Variants in SHOC1 observed in about 807,000 individuals in gnomAD.
The protein encoded by SHOC1 is protein shortage in chiasmata 1 ortholog.
A neutral mutation model predicts 179.2 loss-of-function variants in SHOC1; 136 were observed. The observed-to-expected ratio is 0.76, with a 90% CI of 0.66 to 0.87. SHOC1 has a LOEUF of 0.87. Ranked by LOEUF, SHOC1 falls within the 40% of genes least tolerant of loss-of-function variation. The probability of loss-of-function intolerance (pLI) is 0.00; values close to 1 mark genes in which losing one functional copy is unlikely to be tolerated. For synonymous variants in SHOC1, 489 were observed against 586.6 expected (o/e 0.83, Z 2.41); for missense variants, 1,538 against 1,700.8 (o/e 0.90, Z 1.68).
At chr9:111,701,345 A>G (rs576467380) in intron 23 of SHOC1, among the ~76,000 whole-genome samples, 1 of 152,282 alleles carries the variant, frequency 6.6e-6, no homozygotes, top group East Asian at 1.9e-4. Context: ...ATAATATATG[A>G]TTGTGAATAT....
At chr9:111,775,746 T>C (rs770673677) in intron 5 of SHOC1, 45 bp downstream of exon 5, 2 of 1,516,910 alleles carry the variant, frequency 1.3e-6, no homozygotes, top group East Asian at 4.6e-5. Flanking sequence ...AATATGTGTA[T>C]ATCAGTAAGA....
chr9:111,752,406 A>G (rs10125160), intron 8 of SHOC1, among the ~76,000 whole-genome samples: 8,421 of 152,322 alleles, frequency 0.055, 562 homozygotes, highest in African/African-American at 0.16. Flanking sequence ...TAGTAGAGAC[A>G]AAGTTTATAG....
At chr9:111,690,499 C>A (rs925279027) in intron 27 of SHOC1, among the ~76,000 whole-genome samples, 5 of 152,004 alleles carry the variant, frequency 3.3e-5, no homozygotes, top group African/African-American at 1.2e-4. Context: ...AAAGAATCAC[C>A]CCTCAAAAAC....
At chr9:111,692,837 G>A (rs1831505360) in intron 26 of SHOC1, among the ~76,000 whole-genome samples, 1 of 152,124 alleles carries the variant, frequency 6.6e-6, no homozygotes, top group Non-Finnish European at 1.5e-5. Flanking sequence ...AATATTACCA[G>A]TAAGGCTAAA....
At chr9:111,765,874 C>T (rs1183267927) in intron 5 of SHOC1, among the ~76,000 whole-genome samples, 2 of 151,924 alleles carry the variant, frequency 1.3e-5, no homozygotes, top group African/African-American at 2.4e-5. Flanking sequence ...CCACCACACC[C>T]AGCTTAGAGG....
chr9:111,783,598 T>C (rs559248), intron 3 of SHOC1: 124,578 of 152,150 alleles, frequency 0.82, 51,193 homozygotes, highest in East Asian at 0.92. Flanking sequence ...CTGTCCTAGG[T>C]CTTCTAATCT....
intron 3 of SHOC1, among the ~76,000 whole-genome samples, chr9:111,782,705 G>T (rs964981011): frequency 6.6e-5 from 10 of 151,068 alleles, no homozygotes; most frequent in African/African-American, 2.2e-4. Context: ...CTTGACCACA[G>T]ATGAGGTCTA....
intron 16 of SHOC1, 125 bp downstream of exon 16, chr9:111,718,059 G>T (rs1322256): frequency 8.5e-6 from 5 of 590,398 alleles, no homozygotes; most frequent in Non-Finnish European, 1.4e-5. Context: ...TGTATGTAAT[G>T]CTTAGTATAA....
intron 12 of SHOC1, among the ~76,000 whole-genome samples, chr9:111,729,819 G>C (rs924306910): frequency 6.6e-6 from 1 of 151,746 alleles, no homozygotes; most frequent in South Asian, 2.1e-4. Flanking sequence ...TTGAACCTGA[G>C]AGGCGGAGGG....
intron 5 of SHOC1, among the ~76,000 whole-genome samples, chr9:111,763,091 A>C (rs970772735): frequency 1.3e-5 from 2 of 151,986 alleles, no homozygotes; most frequent in African/African-American, 4.8e-5. Flanking sequence ...GTACTTATGG[A>C]TAAATCTTGG....
chr9:111,722,960 C>A (rs1053162956), intron 14 of SHOC1, among the ~76,000 whole-genome samples: 1 of 152,140 alleles, frequency 6.6e-6, no homozygotes, highest in Non-Finnish European at 1.5e-5. Flanking sequence ...CACCACCACG[C>A]CCAGCTAATT....
At chr9:111,788,990 G>A (rs959819863) in intron 2 of SHOC1, among the ~76,000 whole-genome samples, 4 of 152,062 alleles carry the variant, frequency 2.6e-5, no homozygotes, top group Non-Finnish European at 5.9e-5. Flanking sequence ...CTCTGAAAAC[G>A]CCCTGTTATT....
intron 15 of SHOC1, among the ~76,000 whole-genome samples, chr9:111,718,647 C>T (rs185869774): frequency 4.6e-5 from 7 of 152,244 alleles, no homozygotes; most frequent in South Asian, 2.1e-4. Context: ...AAAGAGTCAA[C>T]GCTTCCCAGT....
intron 12 of SHOC1, among the ~76,000 whole-genome samples, chr9:111,728,667 A>G (rs1016280069): frequency 6.6e-6 from 1 of 152,208 alleles, no homozygotes; most frequent in Non-Finnish European, 1.5e-5. Flanking sequence ...TCCAGAGCTG[A>G]GTAAAATGGG....
rs759937657 is a variant in SHOC1 at position 111,714,402 on chromosome 9, T to TA, written c.2415+42dup. The TA allele has an allele frequency of 5.0e-6, 8 of 1,598,182 alleles. No individual in the cohort carries two copies. The South Asian group carries it at 8.9e-5, about 18-fold the overall frequency. On this transcript the variant is annotated intron_variant, in intron 17 of 27. Transcript: ENST00000682961. Reference sequence around the variant, plus strand: ...AAAAATGTATCTTACATCCAATTCTTACTTAAACTGATTATTTTACCGGCT... The same window carrying TA: ...AAAAATGTATCTTACATCCAATTCTTAACTTAAACTGATTATTTTACCGGCT...
chr9:111,759,053 A>T, intron 5 of SHOC1: 1 of 1,258,134 alleles, frequency 7.9e-7, no homozygotes, highest in Non-Finnish European at 1.1e-6. Flanking sequence ...TTTTAGTATT[A>T]TCTAGGACAC....
At chr9:111,703,182 C>T (rs1832065398) in intron 22 of SHOC1, among the ~76,000 whole-genome samples, 1 of 152,128 alleles carries the variant, frequency 6.6e-6, no homozygotes, top group Admixed American at 6.6e-5. Context: ...ATATACAAGA[C>T]ACAGTATCTC....
At chr9:111,697,943 G>A (rs1477830966) in intron 24 of SHOC1, among the ~76,000 whole-genome samples, 6 of 152,212 alleles carry the variant, frequency 3.9e-5, no homozygotes, top group Non-Finnish European at 7.3e-5. Flanking sequence ...GATGGCCAGT[G>A]ATGATGAGCA....
At chr9:111,751,301 G>T (rs907310512) in intron 8 of SHOC1, among the ~76,000 whole-genome samples, 3 of 152,080 alleles carry the variant, frequency 2.0e-5, no homozygotes, top group Non-Finnish European at 2.9e-5. Context: ...TGTTCTTTTT[G>T]CTTAGGATTA....
Sources: gnomAD v4.1 joint callset for allele counts (sites outside exome capture counted in the v4.1 genomes callset) on GRCh38, gnomAD v4.1.1 for gene constraint, MANE v1.5 for transcripts, NCBI Gene and HGNC (gene_info 2026-07-23, HGNC 2026-07-21) for gene names.